Variants in TSPAN18 observed in about 807,000 individuals in gnomAD.
The protein encoded by TSPAN18 is tetraspanin 18, also known as tetraspanin-18.
A neutral mutation model predicts 27.3 loss-of-function variants in TSPAN18; 14 were observed. The ratio of observed to expected loss-of-function variants is 0.51; its 90% CI spans 0.34 to 0.80. The LOEUF is 0.80. TSPAN18 is among the 30% of genes least tolerant of loss of function. TSPAN18 has a pLI of 0.01. For synonymous variants in TSPAN18, 143 were observed against 136.5 expected (o/e 1.05, Z -0.33); for missense variants, 268 against 323.9 (o/e 0.83, Z 1.32).
chr11:44,899,124 C>T (rs1390169033), intron 3 of TSPAN18, among the ~76,000 whole-genome samples: 5 of 152,154 alleles, frequency 3.3e-5, no homozygotes, highest in Non-Finnish European at 7.3e-5. Flanking sequence ...CAGTGCTTTC[C>T]GGGTACAAAC....
chr11:44,773,264 A>T (rs1472627249), intron 2 of TSPAN18, among the ~76,000 whole-genome samples: 2 of 151,954 alleles, frequency 1.3e-5, no homozygotes, highest in Non-Finnish European at 2.9e-5. Context: ...TAAAAATATA[A>T]AATTAGCCGG....
intron 1 of TSPAN18, among the ~76,000 whole-genome samples, chr11:44,729,942 C>T (rs1854611321): frequency 6.6e-6 from 1 of 152,136 alleles, no homozygotes; most frequent in African/African-American, 2.4e-5. Flanking sequence ...CAGGTTATTT[C>T]CCCTCTTGAG....
At chr11:44,736,633 C>T (rs1288163195) in intron 1 of TSPAN18, 1 of 152,142 alleles carries the variant, frequency 6.6e-6, no homozygotes, top group African/African-American at 2.4e-5. Context: ...CCCTCCGGGC[C>T]CTGAAGGGTC....
rs1859552142 is a variant in TSPAN18 at position 44,908,751 on chromosome 11, AGAGAGAGAGAGAGAAAG to A, written c.64-949_64-933del. Among the ~76,000 whole-genome samples, 11 of 96,674 alleles carry A rather than the reference AGAGAGAGAGAGAGAAAG, an allele frequency of 1.1e-4. 1 individual carries two copies. Among genetic ancestry groups the A allele is most frequent in the African/African-American group, 5.1e-4 (11 of 21,678 alleles). 63.4% of individuals were successfully genotyped at this position (96,674 alleles called of 152,430 possible). On this transcript the variant is annotated intron_variant, in intron 4 of 9. Transcript: ENST00000520358. ...TGTCTCAAAAAAGAAAGAAAGAGAG[AGAGAGAGAGAGAGAAAG>A]GAGAAAGAAAGAAAGAAAGAAAGAA...
At chr11:44,816,037 G>A (rs920999600) in intron 2 of TSPAN18, among the ~76,000 whole-genome samples, 10 of 152,168 alleles carry the variant, frequency 6.6e-5, no homozygotes, top group African/African-American at 1.7e-4. Flanking sequence ...AGCTCTTATC[G>A]TGCCTTCCTG....
rs572094095 is a variant in TSPAN18, at chr11:44,844,446, A to C, written c.-152-15882A>C. On this transcript the variant is annotated intron_variant, in intron 2 of 9. Coordinates refer to ENST00000520358, the MANE Select transcript of TSPAN18 (RefSeq NM_130783.5). The stretch of plus-strand genomic sequence containing the variant: ...AAATAGAGTGGGCATGTCATAGGAC[A>C]GTCCTGCTAGCAGTGTGGAACAGTT... Among the ~76,000 whole-genome samples the C allele has an allele frequency of 2.8e-4, 42 of 152,242 alleles. 1 individual carries two copies. The highest frequency in any genetic ancestry group is 5.7e-4 in the Non-Finnish European group (39 of 68,050).
At chr11:44,899,752 G>A (rs1859189965) in intron 3 of TSPAN18, among the ~76,000 whole-genome samples, 1 of 152,222 alleles carries the variant, frequency 6.6e-6, no homozygotes. Flanking sequence ...GAAAGGTTAT[G>A]TAGTTCACCC....
chr11:44,921,653 G>A (rs916864640), intron 8 of TSPAN18, among the ~76,000 whole-genome samples: 2 of 152,166 alleles, frequency 1.3e-5, no homozygotes, highest in Admixed American at 6.5e-5. Flanking sequence ...CCTGGGCCAC[G>A]TACAGTTCCA....
intron 2 of TSPAN18, among the ~76,000 whole-genome samples, chr11:44,806,751 C>T (rs749840811): frequency 3.9e-5 from 6 of 152,150 alleles, no homozygotes; most frequent in Admixed American, 2.0e-4. Flanking sequence ...ATTGTTGGAA[C>T]GTTGGTTGAA....
At chr11:44,908,810 A>AGAAGGAAGGAAGGAAGGAAG (rs1564993114) in intron 4 of TSPAN18, among the ~76,000 whole-genome samples, 3 of 116,494 alleles carry the variant, frequency 2.6e-5, no homozygotes, top group South Asian at 5.6e-4. Context: ...AAAGAAAGAA[A>AGAAGGAAGGAAGGAAGGAAG]GAAAGAAAGA....
At chr11:44,900,788 G>A (rs1859234452) in intron 3 of TSPAN18, among the ~76,000 whole-genome samples, 1 of 141,128 alleles carries the variant, frequency 7.1e-6, no homozygotes, top group Admixed American at 7.9e-5. Context: ...CTTCCTCCTG[G>A]GTTCAAGCAA....
chr11:44,741,547 TTG>T lies in TSPAN18; in HGVS notation c.-240+14269_-240+14270del, dbSNP rs574826482. Among the ~76,000 whole-genome samples the T allele has an allele frequency of 3.3e-3, 496 of 151,774 alleles. 2 individuals carry two copies. The highest frequency in any genetic ancestry group is 0.011 in the African/African-American group (449 of 41,352). ...AATGATGATGATAATGTAGCTAAAG[TTG>T]TGTGTGTGAGTTCGTGCGTGTCTGC... On this transcript the variant is annotated intron_variant, in intron 1 of 9. Coordinates refer to ENST00000520358, the MANE Select transcript of TSPAN18 (RefSeq NM_130783.5).
At chr11:44,752,759 A>C (rs1237929948) in intron 1 of TSPAN18, among the ~76,000 whole-genome samples, 1 of 152,260 alleles carries the variant, frequency 6.6e-6, no homozygotes. Flanking sequence ...TTCAAGGAAC[A>C]GTGATTATGT....
chr11:44,770,694 C>T (rs967994885), intron 2 of TSPAN18, among the ~76,000 whole-genome samples: 7 of 152,034 alleles, frequency 4.6e-5, no homozygotes, highest in African/African-American at 7.3e-5. Context: ...CAGTCTGCAG[C>T]GGGCAGGGAG....
At chr11:44,794,129 A>G (rs1032271574) in intron 2 of TSPAN18, among the ~76,000 whole-genome samples, 2 of 152,204 alleles carry the variant, frequency 1.3e-5, no homozygotes, top group African/African-American at 4.8e-5. Flanking sequence ...CCTGTCTCAT[A>G]AACTAGAGTA....
At chr11:44,748,193 A>G (rs1855127193) in intron 1 of TSPAN18, among the ~76,000 whole-genome samples, 1 of 152,226 alleles carries the variant, frequency 6.6e-6, no homozygotes. Flanking sequence ...AGATCACTTG[A>G]GGCCAGGAGT....
intron 3 of TSPAN18, among the ~76,000 whole-genome samples, chr11:44,872,942 C>T (rs1331347421): frequency 6.6e-6 from 1 of 152,178 alleles, no homozygotes; most frequent in Non-Finnish European, 1.5e-5. Flanking sequence ...GCTGAGTGTT[C>T]CGACAGGGCA....
intron 2 of TSPAN18, among the ~76,000 whole-genome samples, chr11:44,814,221 C>T (rs1001292): frequency 0.27 from 35,747 of 130,380 alleles, 5,659 homozygotes; most frequent in East Asian, 0.84. Context: ...CCAATCTCTT[C>T]CTGTTGCAGA....
Position 44,818,879 on chromosome 11 carries a change from A to G in TSPAN18, c.-152-41449A>G, listed in dbSNP as rs141001302. Among the ~76,000 whole-genome samples, 819 of 152,146 alleles carry G rather than the reference A, an allele frequency of 5.4e-3. 5 individuals are homozygous for G. Among genetic ancestry groups the G allele is most frequent in the African/African-American group, 0.018 (740 of 41,502 alleles). On this transcript the variant is annotated intron_variant, in intron 2 of 9. Transcript: ENST00000520358. ...GAGTTCTGGTCCTGCCACTAACAGC[A>G]CGTGGCCTGACTTCCCTGAACCTAT... is the stretch of plus-strand genomic sequence containing the variant.
Sources: allele counts gnomAD v4.1 joint callset (sites outside exome capture counted in the v4.1 genomes callset), GRCh38; gene constraint gnomAD v4.1.1; transcripts MANE v1.5; gene names NCBI Gene and HGNC (gene_info 2026-07-23, HGNC 2026-07-21).